The following AKAP19 variants were observed in gnomAD, a reference collection of about 807,000 sequenced individuals.
The protein encoded by AKAP19 is small A-kinase anchoring protein.
the AKAP19 span, among the ~76,000 whole-genome samples, chr2:189,913,512 C>T: frequency 3.3e-5 from 5 of 151,970 alleles, no homozygotes; most frequent in African/African-American, 9.7e-5. Context: ...ATTGTATTTG[C>T]CAATTTTGAT....
At chr2:190,174,186 C>A in the AKAP19 span, among the ~76,000 whole-genome samples, 2 of 152,230 alleles carry the variant, frequency 1.3e-5, no homozygotes, top group African/African-American at 4.8e-5. Context: ...CCTTCCCCCA[C>A]CGTGTCTGGT....
At chr2:190,153,403 A>T in the AKAP19 span, among the ~76,000 whole-genome samples, 2 of 152,142 alleles carry the variant, frequency 1.3e-5, no homozygotes, top group Non-Finnish European at 2.9e-5. Flanking sequence ...TTTCTATGGT[A>T]TTGGAGGTAC....
chr2:189,898,404 A>G, the AKAP19 span, among the ~76,000 whole-genome samples: 1 of 151,292 alleles, frequency 6.6e-6, no homozygotes, highest in Non-Finnish European at 1.5e-5. Context: ...AAAGGCTTCT[A>G]TTTTTTTTTA....
the AKAP19 span, among the ~76,000 whole-genome samples, chr2:190,135,236 T>TAGTA: frequency 6.6e-6 from 1 of 152,290 alleles, no homozygotes; most frequent in Non-Finnish European, 1.5e-5. Context: ...GCACTGGATG[T>TAGTA]AGTAAGTAAG....
At chr2:190,093,064 A>G in the AKAP19 span, among the ~76,000 whole-genome samples, 1 of 152,150 alleles carries the variant, frequency 6.6e-6, no homozygotes, top group Non-Finnish European at 1.5e-5. Flanking sequence ...TTCAAACCAT[A>G]GGTAGAAAGT....
the AKAP19 span, among the ~76,000 whole-genome samples, chr2:190,120,804 C>G: frequency 1.1e-4 from 16 of 152,158 alleles, no homozygotes; most frequent in South Asian, 4.1e-4. Context: ...TCAGGTAGCA[C>G]AGTCATTTTT....
chr2:190,129,617 ATGT>A, the AKAP19 span, among the ~76,000 whole-genome samples: 3 of 152,034 alleles, frequency 2.0e-5, no homozygotes, highest in East Asian at 1.9e-4. Flanking sequence ...GTATAGTCTA[ATGT>A]TGTTCTCGGT....
At chr2:190,032,286 C>A in the AKAP19 span, among the ~76,000 whole-genome samples, 4 of 151,982 alleles carry the variant, frequency 2.6e-5, no homozygotes, top group African/African-American at 9.7e-5. Context: ...ATAAATCATG[C>A]CAAAAATACT....
At chr2:190,104,227 A>C in the AKAP19 span, among the ~76,000 whole-genome samples, 41,215 of 152,148 alleles carry the variant, frequency 0.27, 5,983 homozygotes, top group African/African-American at 0.37. Flanking sequence ...CTCAAACTGT[A>C]AGAATCTTAG....
At chr2:189,944,837 T>C in the AKAP19 span, among the ~76,000 whole-genome samples, 1 of 152,158 alleles carries the variant, frequency 6.6e-6, no homozygotes, top group Non-Finnish European at 1.5e-5. Context: ...ATGGACCATA[T>C]CTTAGGCCAT....
chr2:189,992,394 T>C, the AKAP19 span, among the ~76,000 whole-genome samples: 3 of 152,190 alleles, frequency 2.0e-5, no homozygotes, highest in Non-Finnish European at 4.4e-5. Context: ...GTGTATGTAG[T>C]ATAAAAATAC....
chr2:190,201,233 A>G, the AKAP19 span: 8 of 166,982 alleles, frequency 4.8e-5, no homozygotes, highest in Admixed American at 2.6e-4. Flanking sequence ...TAGGGAAGCT[A>G]TTTTTTCTCT....
the AKAP19 span, among the ~76,000 whole-genome samples, chr2:189,939,509 T>C: frequency 1.3e-5 from 2 of 152,090 alleles, no homozygotes; most frequent in African/African-American, 2.4e-5. Flanking sequence ...TAAATAACCT[T>C]CCATCCAAAG....
At chr2:190,170,973 C>G in the AKAP19 span, among the ~76,000 whole-genome samples, 1 of 152,150 alleles carries the variant, frequency 6.6e-6, no homozygotes, top group African/African-American at 2.4e-5. Flanking sequence ...GCTAACCACT[C>G]TCTTGGGAAA....
At chr2:189,993,169 T>C in the AKAP19 span, among the ~76,000 whole-genome samples, 1 of 152,240 alleles carries the variant, frequency 6.6e-6, no homozygotes, top group Non-Finnish European at 1.5e-5. Flanking sequence ...TAGATAGCTT[T>C]TATTACTTGA....
the AKAP19 span, among the ~76,000 whole-genome samples, chr2:190,021,502 G>C: frequency 3.3e-5 from 5 of 152,104 alleles, no homozygotes; most frequent in Admixed American, 3.3e-4. Context: ...TCACTGTTCT[G>C]GTCACCTCTT....
At chr2:190,199,567 T>A in the AKAP19 span, 4 of 373,330 alleles carry the variant, frequency 1.1e-5, no homozygotes, top group Non-Finnish European at 1.8e-5. Context: ...ACTGATAAGA[T>A]AAAGCTGTTT....
the AKAP19 span, chr2:190,180,512 T>A: frequency 1.0e-6 from 1 of 985,542 alleles, no homozygotes; most frequent in Non-Finnish European, 1.2e-6. This position sits in a 1 kb window ranked among gnomAD's most constrained non-coding sequence, Gnocchi z 6.8. Flanking sequence ...CCTCGCTGGC[T>A]TCTGCTTTCA....
At chr2:190,005,091 G>A in the AKAP19 span, among the ~76,000 whole-genome samples, 2 of 152,270 alleles carry the variant, frequency 1.3e-5, no homozygotes, top group East Asian at 3.9e-4. Context: ...CTGTCTTGCT[G>A]ACTTCAGGAG....
Sources: allele counts gnomAD v4.1 joint callset (sites outside exome capture counted in the v4.1 genomes callset), GRCh38; gene constraint gnomAD v4.1.1; non-coding constraint Gnocchi (gnomAD v3.1); transcripts MANE v1.5; gene names NCBI Gene and HGNC (gene_info 2026-07-23, HGNC 2026-07-21).